Variants in CRYBG2 observed in about 807,000 individuals in gnomAD.
CRYBG2 encodes beta/gamma crystallin domain-containing protein 2.
Under a neutral mutation model 153.4 loss-of-function variants are expected in CRYBG2, and 106 were observed. The observed-to-expected ratio is 0.69, with a 90% CI of 0.59 to 0.81. The LOEUF (loss-of-function observed/expected upper bound fraction) is 0.81, where lower values mean the gene tolerates loss of function less well. Among genes scored for constraint, CRYBG2 ranks in the 30% least tolerant of loss-of-function variants. The pLI is 0.00. For synonymous variants in CRYBG2, 851 were observed against 877.8 expected (o/e 0.97, Z 0.54); for missense variants, 1,996 against 2,112.0 (o/e 0.95, Z 1.08).
chr1:26,326,352 A>G (rs1444783296), intron 17 of CRYBG2, among the ~76,000 whole-genome samples: 2 of 152,082 alleles, frequency 1.3e-5, no homozygotes, highest in Non-Finnish European at 2.9e-5. Context: ...CCTGGCTAAC[A>G]TGGTGAAACC....
At position 26,345,074 on chromosome 1, in the gene CRYBG2, C is replaced by G. The variant is rs1439186252; in HGVS notation, c.1584G>C (p.Trp528Cys). 2.0e-4 allele frequency: 59 copies of G among 287,888 alleles called. 4 individuals are homozygous for G. Among genetic ancestry groups the G allele is most frequent in the Non-Finnish European group, 3.2e-4 (58 of 181,250 alleles). 17.8% of individuals were successfully genotyped at this position (287,888 alleles called of 1,614,324 possible). A position where few individuals can be genotyped will look rare whatever the true frequency, so the allele number is the denominator to read the frequency against. Residue 528 changes from tryptophan (W) to cysteine (C), a missense_variant, in exon 2 of 20, where the codon TGG (tryptophan) becomes TGC (cysteine). Transcript: ENST00000308182. ...SSAPAALFPTWKEVVKGPGAP... is the reference protein window; with the variant it reads ...SSAPAALFPTCKEVVKGPGAP... ...CACCGGGGCCCTTCACGACCTCTTTCCAGGTGGGGAACAAGGCAGCAGGAG... is the reference window on the plus strand; with the variant it reads ...CACCGGGGCCCTTCACGACCTCTTTGCAGGTGGGGAACAAGGCAGCAGGAG...
chr1:26,351,283 G>A (rs2074284187), intron 1 of CRYBG2, among the ~76,000 whole-genome samples: 4 of 152,068 alleles, frequency 2.6e-5, no homozygotes, highest in Non-Finnish European at 1.5e-5. Flanking sequence ...GAAGTTTGAC[G>A]CCCTCGCTGA....
chr1:26,323,782 T>C (rs1301429656), intron 18 of CRYBG2, among the ~76,000 whole-genome samples: 4 of 152,124 alleles, frequency 2.6e-5, no homozygotes, highest in Non-Finnish European at 4.4e-5. Flanking sequence ...ACCCAGTTAA[T>C]TTTTTGTTTG....
rs1363590588 is a variant in CRYBG2 at position 26,344,879 on chromosome 1, C to T, written c.1779G>A (p.Ser593=). The T allele has an allele frequency of 1.1e-5, 16 of 1,406,592 alleles. No homozygotes were observed. Among genetic ancestry groups the T allele is most frequent in the Middle Eastern group, 1.9e-4 (1 of 5,334 alleles). 87.1% of individuals were successfully genotyped at this position (1,406,592 alleles called of 1,614,324 possible). Residue 593 remains serine, a synonymous_variant, in exon 2 of 20, where the codon TCG becomes TCA. Transcript: ENST00000308182. ...CCTTCACAACCTCTTTCTGGGTGGG[C>T]GATGAGGCAGCAGGAGCACCAGGGC... ...VKGPGAPAAS[S]PTQKEVVKGP... is the part of the protein sequence containing the mutation.
intron 14 of CRYBG2, among the ~76,000 whole-genome samples, chr1:26,332,224 A>G (rs1557706429): frequency 1.3e-5 from 2 of 150,192 alleles, no homozygotes; most frequent in Non-Finnish European, 1.5e-5. Context: ...GGAGAATGGC[A>G]TGAACCCAGG....
At chr1:26,342,698 C>G (rs2074145384) in intron 5 of CRYBG2, 56 bp downstream of exon 5, 1 of 1,590,510 alleles carries the variant, frequency 6.3e-7, no homozygotes, top group African/African-American at 1.3e-5. Flanking sequence ...TGCTCCTGGC[C>G]TCGGGGATTT....
At chr1:26,324,396 A>G (rs2073898082) in intron 17 of CRYBG2, 86 bp from the exon 18 acceptor site, 2 of 1,398,408 alleles carry the variant, frequency 1.4e-6, no homozygotes, top group East Asian at 2.5e-5. Flanking sequence ...ACTCTCCAGT[A>G]TCAGGCTCCC....
chr1:26,323,535 T>C (rs1359663651), intron 18 of CRYBG2, among the ~76,000 whole-genome samples: 1 of 152,238 alleles, frequency 6.6e-6, no homozygotes, highest in Non-Finnish European at 1.5e-5. Context: ...ATAACTGCTG[T>C]ATCCCCAGCA....
chr1:26,336,313 G>T lies in CRYBG2; in HGVS notation c.4071+25C>A. On this transcript the variant is annotated intron_variant, in intron 13 of 19. Transcript: ENST00000308182. The surrounding 1 kb of genome is among the most constrained non-coding windows in gnomAD (Gnocchi z 4.9). ...TGAGGGGAGAGACGTGAGCCCAGCG[G>T]CTCCCTGCGGAGTCCCTGCCTTACC... 6.2e-7 allele frequency: 1 copy of T among 1,612,804 alleles called. No individual in the cohort carries two copies.
chr1:26,343,909 C>A lies in CRYBG2; in HGVS notation c.2749G>T (p.Ala917Ser). 2 of 1,532,838 alleles carry A rather than the reference C, an allele frequency of 1.3e-6. No homozygotes were observed. Among genetic ancestry groups the A allele is most frequent in the African/African-American group, 1.4e-5 (1 of 72,852 alleles). The allele number at this position is 1,532,838 out of a possible 1,614,324, so 95.0% of individuals were successfully genotyped here. Residue 917 changes from alanine to serine, a missense_variant, in exon 2 of 20, where the codon GCC becomes TCC. Physicochemically the swap from Ala to Ser is moderately conservative, Grantham distance 99 (BLOSUM62 1). Coordinates refer to ENST00000308182, the MANE Select transcript of CRYBG2 (RefSeq NM_001039775.4). The surrounding 1 kb of genome is among the most constrained non-coding windows in gnomAD (Gnocchi z 4.1). ...GGTTCCGGGGTGGAGGCCTCCTTGG[C>A]GGTAGGCACCAGACTGCCGAACAGA... is the stretch of plus-strand genomic sequence containing the variant. ...SLLFGSLVPTAKEASTPEPLG... is the reference protein window; with the variant it reads ...SLLFGSLVPTSKEASTPEPLG...
intron 1 of CRYBG2, among the ~76,000 whole-genome samples, chr1:26,350,144 G>A (rs1475814043): frequency 1.3e-5 from 2 of 152,028 alleles, no homozygotes; most frequent in South Asian, 4.2e-4. Flanking sequence ...AAGAGGAAGG[G>A]ACACCTGAAC....
intron 15 of CRYBG2, among the ~76,000 whole-genome samples, chr1:26,331,209 A>C (rs899138173): frequency 6.6e-6 from 1 of 152,198 alleles, no homozygotes; most frequent in Non-Finnish European, 1.5e-5. Context: ...ATCTGGATGC[A>C]CCACTCTGCA....
chr1:26,344,617 C>T lies in CRYBG2; in HGVS notation c.2041G>A (p.Gly681Arg), dbSNP rs1282687087. 1 of 1,536,262 alleles carries T rather than the reference C, an allele frequency of 6.5e-7. No individual in the cohort carries two copies. ...GGGCTCCCTTCAGAGTCCTGGACCC[C>T]CTTATCCTGTTTGGGGAGTGAGGTG... ...PATSLPKQDK[G>R]VQDSEGSPIS... is the part of the protein sequence containing the mutation. The change falls in exon 2 of 20, where the codon GGG becomes AGG. Residue 681 changes from glycine (G) to arginine (R), a missense_variant. By Grantham distance (125) the Gly-to-Arg change is moderately radical. Transcript: ENST00000308182.
At position 26,339,343 on chromosome 1, in the gene CRYBG2, G is replaced by A. The variant is rs759143017; in HGVS notation, c.3291C>T (p.Ser1097=). 3.7e-6 allele frequency: 6 copies of A among 1,614,194 alleles called. No individual in the cohort carries two copies. The highest frequency in any genetic ancestry group is 5.1e-6 in the Non-Finnish European group (6 of 1,180,026). The stretch of plus-strand genomic sequence containing the variant: ...CCTGCAGGGGCTTCTCCAGACCCTG[G>A]GAATTCTTCAAGGCCTCTGTTAGCT... ...QVKLTEALKN[S]QGLEKPLQVA... is the part of the protein sequence containing the mutation. The change falls in exon 6 of 20, where the codon TCC becomes TCT. Residue 1097 remains serine (S), a synonymous_variant. Transcript: ENST00000308182.
In CRYBG2 at chr1:26,328,232, C is replaced by A. The variant is rs1409674771; in HGVS notation, c.4555G>T (p.Gly1519Cys). 1 of 1,565,182 alleles carries A rather than the reference C, an allele frequency of 6.4e-7. No homozygotes were observed. Among genetic ancestry groups the A allele is most frequent in the Non-Finnish European group, 8.7e-7 (1 of 1,154,890 alleles). ...ACCTGCTTGATGGGGTAGAGGGAGC[C>A]CACCCTCTGGGTGCCGCTGTAGGTC... The part of the protein sequence containing the change: ...WLTYSGTQRV[G>C]SLYPIKQRRV... The change falls in exon 17 of 20, where the codon GGC (glycine) becomes TGC (cysteine). Residue 1519 changes from glycine to cysteine, a missense_variant. Transcript: ENST00000308182.
intron 5 of CRYBG2, among the ~76,000 whole-genome samples, chr1:26,339,707 G>C (rs189191480): frequency 9.2e-5 from 14 of 151,650 alleles, no homozygotes; most frequent in African/African-American, 2.9e-4. Context: ...TTGCACTCAA[G>C]CCTGGGCAAT....
At chr1:26,328,068 G>A in intron 17 of CRYBG2, 141 bp downstream of exon 17, 1 of 1,188,338 alleles carries the variant, frequency 8.4e-7, no homozygotes, top group Admixed American at 3.1e-5. Flanking sequence ...AATGGCTCAA[G>A]AGGAATGACG....
At chr1:26,347,446 G>A (rs879469697) in intron 1 of CRYBG2, among the ~76,000 whole-genome samples, 7 of 149,272 alleles carry the variant, frequency 4.7e-5, no homozygotes, top group South Asian at 2.1e-4. Flanking sequence ...GGCACACGCC[G>A]CCACACCCAG....
rs201181234 is a variant in CRYBG2, at chr1:26,338,492, G to A, written c.3345-15C>T. On this transcript the variant is annotated splice_polypyrimidine_tract_variant and intron_variant, in intron 6 of 19. Transcript: ENST00000308182. ...ACAGTAGCCACCTAGGGGAAACAGA[G>A]AGGCTGCTGCACCCTAGCAGAGAGA... 3.1e-6 allele frequency: 5 copies of A among 1,593,370 alleles called. No individual in the cohort carries two copies. Among genetic ancestry groups the A allele is most frequent in the East Asian group, 2.2e-5 (1 of 44,556 alleles).
Sources: gnomAD v4.1 joint callset for allele counts (sites outside exome capture counted in the v4.1 genomes callset) on GRCh38, gnomAD v4.1.1 for gene constraint, Gnocchi (gnomAD v3.1) non-coding constraint, MANE v1.5 for transcripts, NCBI Gene and HGNC (gene_info 2026-07-23, HGNC 2026-07-21) for gene names.